Variants in FMN1 observed in about 807,000 individuals in gnomAD.
FMN1 encodes the protein formin-1.
FMN1 carries 110 observed loss-of-function variants against 132.4 expected under a neutral mutation model. The ratio of observed to expected loss-of-function variants is 0.83; its 90% CI spans 0.71 to 0.97. FMN1 has a LOEUF of 0.97. FMN1 is among the 50% of genes least tolerant of loss of function. FMN1 has a pLI of 0.00. For missense variants in FMN1, 1,792 were observed against 1,705.3 expected (o/e 1.05, Z -0.90); for synonymous variants, 722 against 651.7 (o/e 1.11, Z -1.64).
At chr15:33,127,228 T>C (rs534367997) in intron 4 of FMN1, among the ~76,000 whole-genome samples, 95 of 152,166 alleles carry the variant, frequency 6.2e-4, no homozygotes, top group Non-Finnish European at 1.2e-3. Flanking sequence ...AAAAATCAAC[T>C]GGTCGGATCA....
chr15:32,987,932 T>A (rs1421466794), intron 7 of FMN1, among the ~76,000 whole-genome samples: 1 of 152,090 alleles, frequency 6.6e-6, no homozygotes, highest in Admixed American at 6.6e-5. Flanking sequence ...CTAGCAACAG[T>A]CACAGTTTCT....
chr15:32,870,944 T>C (rs977537621), intron 16 of FMN1, among the ~76,000 whole-genome samples: 1 of 152,156 alleles, frequency 6.6e-6, no homozygotes, highest in African/African-American at 2.4e-5. Flanking sequence ...TTAGTAGAAA[T>C]GTATTTCTAA....
At chr15:33,194,403 TG>T (rs1243875088) in intron 1 of FMN1, among the ~76,000 whole-genome samples, 174 bp downstream of exon 1, 2 of 150,768 alleles carry the variant, frequency 1.3e-5, no homozygotes, top group African/African-American at 2.4e-5. Flanking sequence ...AGCAGCTTGG[TG>T]GGGGAGCTGG....
At chr15:33,184,253 A>T (rs1035453379) in intron 2 of FMN1, among the ~76,000 whole-genome samples, 1 of 152,218 alleles carries the variant, frequency 6.6e-6, no homozygotes, top group Non-Finnish European at 1.5e-5. Flanking sequence ...TGAGATTTTT[A>T]AAATTTATCT....
intron 4 of FMN1, among the ~76,000 whole-genome samples, chr15:33,137,944 C>T (rs762358664): frequency 3.3e-5 from 5 of 152,168 alleles, no homozygotes; most frequent in Non-Finnish European, 5.9e-5. Context: ...ACATGGGCCA[C>T]GTACTTCACT....
At chr15:32,898,979 A>C (rs2060227385) in intron 14 of FMN1, 86 bp from the exon 15 acceptor site, 2 of 923,466 alleles carry the variant, frequency 2.2e-6, no homozygotes, top group Non-Finnish European at 3.4e-6. Context: ...TCAGTTGAGA[A>C]ATTTCTAATT....
At chr15:32,887,705 T>C (rs1221524299) in intron 16 of FMN1, among the ~76,000 whole-genome samples, 1 of 152,186 alleles carries the variant, frequency 6.6e-6, no homozygotes, top group Non-Finnish European at 1.5e-5. Flanking sequence ...CTAGAAAATG[T>C]GAGTTCTAAT....
chr15:33,095,312 C>T (rs2141385326), intron 4 of FMN1, among the ~76,000 whole-genome samples: 1 of 152,212 alleles, frequency 6.6e-6, no homozygotes, highest in East Asian at 1.9e-4. Context: ...TGTGCCACTG[C>T]ACTCCAGCCT....
chr15:33,020,954 G>C (rs71462840), intron 6 of FMN1, among the ~76,000 whole-genome samples: 3,654 of 152,206 alleles, frequency 0.024, 63 homozygotes, highest in African/African-American at 0.028. Flanking sequence ...CTTTCTTTTT[G>C]GGCAATGGAG....
At chr15:32,932,224 C>A (rs2061138570) in intron 9 of FMN1, among the ~76,000 whole-genome samples, 1 of 152,068 alleles carries the variant, frequency 6.6e-6, no homozygotes, top group African/African-American at 2.4e-5. Context: ...CATGGTGAAA[C>A]CCCGTCTCTA....
chr15:33,022,241 T>C (rs1257961541), intron 6 of FMN1, among the ~76,000 whole-genome samples: 1 of 152,226 alleles, frequency 6.6e-6, no homozygotes, highest in Non-Finnish European at 1.5e-5. Flanking sequence ...CTGAGGCTAG[T>C]TGGATTTGCA....
intron 9 of FMN1, among the ~76,000 whole-genome samples, chr15:32,931,481 T>C (rs1409695017): frequency 6.6e-6 from 1 of 152,238 alleles, no homozygotes; most frequent in African/African-American, 2.4e-5. Context: ...GTTTTCTTAA[T>C]TTCCCTTCCA....
intron 17 of FMN1, among the ~76,000 whole-genome samples, chr15:32,840,322 C>G (rs988155914): frequency 3.3e-5 from 5 of 152,128 alleles, no homozygotes; most frequent in Non-Finnish European, 7.3e-5. Flanking sequence ...TAAGTCACTT[C>G]AAGGATGATC....
intron 5 of FMN1, chr15:33,067,882 C>A: frequency 1.2e-6 from 2 of 1,606,540 alleles, no homozygotes; most frequent in Non-Finnish European, 1.7e-6. Context: ...CAACGTTCTC[C>A]ATGTCTCAGT....
At chr15:33,091,842 TTC>T (rs2141371442) in intron 4 of FMN1, among the ~76,000 whole-genome samples, 1 of 152,328 alleles carries the variant, frequency 6.6e-6, no homozygotes, top group East Asian at 1.9e-4. Context: ...GATAAATATA[TTC>T]TGTCAAAACA....
intron 16 of FMN1, among the ~76,000 whole-genome samples, chr15:32,874,838 T>C (rs1480850960): frequency 6.7e-5 from 7 of 104,642 alleles, no homozygotes; most frequent in Admixed American, 1.7e-4. Flanking sequence ...TCTCGTATTC[T>C]GTAGTTTTTT....
rs1268891752 is a variant in FMN1 at position 32,910,496 on chromosome 15, G to A, written c.3266C>T (p.Thr1089Ile). ...CACGTTTTCATATAAGGCTGCCAGGGTCTCCAGATCAACCACGGAGTCATC... is the reference window on the plus strand; with the variant it reads ...CACGTTTTCATATAAGGCTGCCAGGATCTCCAGATCAACCACGGAGTCATC... The part of the protein sequence containing the change: ...NVDDSVVDLE[T>I]LAALYENRAQ... Residue 1089 changes from threonine to isoleucine, a missense_variant, in exon 11 of 21, where the codon ACC becomes ATC. Coordinates refer to ENST00000616417, the MANE Select transcript of FMN1 (RefSeq NM_001277313.2). 1.9e-6 allele frequency: 3 copies of A among 1,580,636 alleles called. No homozygotes were observed. Among genetic ancestry groups the A allele is most frequent in the Middle Eastern group, 1.7e-4 (1 of 6,024 alleles).
chr15:32,828,907 T>C (rs1039887755), intron 17 of FMN1, among the ~76,000 whole-genome samples: 1 of 152,176 alleles, frequency 6.6e-6, no homozygotes, highest in African/African-American at 2.4e-5. Flanking sequence ...GATAGGTAGG[T>C]AAAATATAAT....
chr15:32,827,293 A>G (rs140399090), intron 17 of FMN1, among the ~76,000 whole-genome samples: 39 of 152,332 alleles, frequency 2.6e-4, no homozygotes, highest in African/African-American at 7.9e-4. Flanking sequence ...TCTCGGCAGC[A>G]TTATCTTGAG....
Sources: allele counts gnomAD v4.1 joint callset (sites outside exome capture counted in the v4.1 genomes callset), GRCh38; gene constraint gnomAD v4.1.1; transcripts MANE v1.5; gene names NCBI Gene and HGNC (gene_info 2026-07-23, HGNC 2026-07-21).